The following PPP1R12A variants were observed in gnomAD, a reference collection of about 807,000 sequenced individuals.
PPP1R12A encodes myosin binding subunit.
Under a neutral mutation model 139.6 loss-of-function variants are expected in PPP1R12A, and 19 were observed. The observed-to-expected ratio is 0.14, with a 90% CI of 0.09 to 0.20. The LOEUF is 0.20. PPP1R12A is among the 10% of genes least tolerant of loss of function. PPP1R12A has a pLI of 1.00. For missense variants in PPP1R12A, 925 were observed against 1,211.5 expected (o/e 0.76, Z 3.51); for synonymous variants, 427 against 420.6 (o/e 1.02, Z -0.19).
intron 1 of PPP1R12A, among the ~76,000 whole-genome samples, chr12:79,931,391 GGCTTGGAGCTTT>G (rs112876075): frequency 6.0e-4 from 92 of 152,174 alleles, no homozygotes; most frequent in African/African-American, 2.1e-3. Context: ...ATGGAAATGA[GGCTTGGAGCTTT>G]GCAGAAATGA....
rs143720777 is a variant in PPP1R12A, at chr12:79,871,306, G to A, written c.368+1502C>T. Among the ~76,000 whole-genome samples the A allele has an allele frequency of 8.1e-4, 123 of 152,246 alleles. 1 individual carries two copies. Among genetic ancestry groups the A allele is most frequent in the Middle Eastern group, 3.4e-3 (1 of 294 alleles). On this transcript the variant is annotated intron_variant, in intron 2 of 24. Coordinates refer to ENST00000450142, the MANE Select transcript of PPP1R12A (RefSeq NM_002480.3). Reference sequence around the variant, plus strand: ...CACAATAGGTCTGTGACCCAATCAAGTCTATGCAAAGAAATTATTCAAGAC... The same window carrying A: ...CACAATAGGTCTGTGACCCAATCAAATCTATGCAAAGAAATTATTCAAGAC...
chr12:79,892,144 C>T (rs1327364598), intron 1 of PPP1R12A, among the ~76,000 whole-genome samples: 1 of 152,162 alleles, frequency 6.6e-6, no homozygotes, highest in Non-Finnish European at 1.5e-5. Flanking sequence ...TGTATCCAAA[C>T]ATTATGTTCC....
At chr12:79,796,751 G>C (rs201785072) in intron 17 of PPP1R12A, 31 bp downstream of exon 17, 225 of 1,527,948 alleles carry the variant, frequency 1.5e-4, no homozygotes, top group Non-Finnish European at 1.8e-4. Context: ...TATGAAGAAA[G>C]CAAAGTGTTT....
intron 2 of PPP1R12A, among the ~76,000 whole-genome samples, chr12:79,846,378 G>A (rs1011607161): frequency 4.6e-5 from 7 of 152,088 alleles, no homozygotes; most frequent in African/African-American, 1.7e-4. Context: ...ATCTCCCAGA[G>A]TCATCTACTG....
chr12:79,813,241 T>C (rs1347459451), intron 9 of PPP1R12A, among the ~76,000 whole-genome samples: 1 of 152,194 alleles, frequency 6.6e-6, no homozygotes, highest in Non-Finnish European at 1.5e-5. Context: ...AAGTATTCCA[T>C]ATTATCCCCA....
chr12:79,844,764 T>A (rs1028661565), intron 3 of PPP1R12A, among the ~76,000 whole-genome samples: 1 of 152,180 alleles, frequency 6.6e-6, no homozygotes, highest in East Asian at 1.9e-4. Flanking sequence ...TAAGGTGATA[T>A]GACCTCCTGC....
At chr12:79,823,075 T>C (rs1354492814) in intron 5 of PPP1R12A, among the ~76,000 whole-genome samples, 1 of 152,148 alleles carries the variant, frequency 6.6e-6, no homozygotes, top group Non-Finnish European at 1.5e-5. Flanking sequence ...TTTTTAAAAT[T>C]AGTCCACATG....
At chr12:79,898,094 C>T (rs1885292623) in intron 1 of PPP1R12A, among the ~76,000 whole-genome samples, 1 of 152,178 alleles carries the variant, frequency 6.6e-6, no homozygotes, top group South Asian at 2.1e-4. Context: ...AAATCTCTGA[C>T]ATTTGCCTTA....
chr12:79,885,857 C>T (rs1404638047), intron 1 of PPP1R12A, among the ~76,000 whole-genome samples: 2 of 152,030 alleles, frequency 1.3e-5, no homozygotes, highest in Non-Finnish European at 2.9e-5. Flanking sequence ...AGAAACAATT[C>T]CTTTTTTGTT....
chr12:79,826,582 A>G (rs957203726), intron 5 of PPP1R12A, among the ~76,000 whole-genome samples: 1 of 152,198 alleles, frequency 6.6e-6, no homozygotes, highest in Non-Finnish European at 1.5e-5. Context: ...TTAGAGTGAC[A>G]TAAGGAGCTG....
intron 20 of PPP1R12A, chr12:79,789,778 CT>C (rs5799442): frequency 0.6 from 188,740 of 314,836 alleles, 44,504 homozygotes; most frequent in Admixed American, 0.69. Flanking sequence ...TTAGGTGACA[CT>C]TTTTTTTTTT....
intron 3 of PPP1R12A, among the ~76,000 whole-genome samples, chr12:79,841,378 T>C (rs1411743560): frequency 1.3e-5 from 2 of 152,330 alleles, no homozygotes; most frequent in Middle Eastern, 3.4e-3. Context: ...TCTGTTCCTA[T>C]ATATTTTAAT....
intron 9 of PPP1R12A, among the ~76,000 whole-genome samples, chr12:79,814,500 AGG>A (rs1483633830): frequency 3.2e-3 from 310 of 96,254 alleles, no homozygotes; most frequent in East Asian, 9.1e-3. Flanking sequence ...AAAAAAAAAA[AGG>A]ACTCCCCCTC....
chr12:79,797,086 T>C lies in PPP1R12A; in HGVS notation c.2292+109A>G, dbSNP rs941772097. The C allele has an allele frequency of 8.2e-6, 11 of 1,342,784 alleles. No individual in the cohort carries two copies. The Admixed American group carries it at 2.3e-4, about 28-fold the overall frequency. 83.2% of individuals were successfully genotyped at this position (1,342,784 alleles called of 1,614,324 possible). Reference sequence around the variant, plus strand: ...TAATTCAAATTTCCAGCTAAAATCCTTTACAGTATTTTGCATATGGTTTGT... The same window carrying C: ...TAATTCAAATTTCCAGCTAAAATCCCTTACAGTATTTTGCATATGGTTTGT... On this transcript the variant is annotated intron_variant, in intron 16 of 24. Transcript: ENST00000450142.
intron 1 of PPP1R12A, among the ~76,000 whole-genome samples, chr12:79,879,301 A>G (rs1378248579): frequency 6.6e-6 from 1 of 152,144 alleles, no homozygotes; most frequent in Non-Finnish European, 1.5e-5. Context: ...TGGGAGGCGG[A>G]GGTTGCAGTG....
rs550377215 is a variant in PPP1R12A at position 79,919,314 on chromosome 12, T to C, written c.237+15381A>G. On this transcript the variant is annotated intron_variant, in intron 1 of 24. Coordinates refer to ENST00000450142, the MANE Select transcript of PPP1R12A (RefSeq NM_002480.3). Reference sequence around the variant, plus strand: ...GCTCACACCTGTAATCCCAGCACTTTGGGAAGCTGAGGCGGGCGGATCACG... The same window carrying C: ...GCTCACACCTGTAATCCCAGCACTTCGGGAAGCTGAGGCGGGCGGATCACG... Among the ~76,000 whole-genome samples the C allele has an allele frequency of 4.0e-5, 6 of 151,836 alleles. No individual in the cohort carries two copies. The South Asian group carries it at 1.0e-3, about 26-fold the overall frequency.
At chr12:79,841,483 AC>A (rs1878704990) in intron 3 of PPP1R12A, among the ~76,000 whole-genome samples, 2 of 152,148 alleles carry the variant, frequency 1.3e-5, no homozygotes. Flanking sequence ...TATTGTTAAC[AC>A]CCAGCACATA....
At chr12:79,798,208 A>G (rs1390312431) in intron 15 of PPP1R12A, among the ~76,000 whole-genome samples, 2 of 152,288 alleles carry the variant, frequency 1.3e-5, no homozygotes, top group South Asian at 2.1e-4. Context: ...AAAATACTCA[A>G]AAAGACACAA....
chr12:79,885,643 A>G (rs1884034774), intron 1 of PPP1R12A, among the ~76,000 whole-genome samples: 1 of 152,144 alleles, frequency 6.6e-6, no homozygotes, highest in Admixed American at 6.6e-5. Context: ...AAGTTTATAT[A>G]TGATTCAGAA....
Sources: gnomAD v4.1 joint callset for allele counts (sites outside exome capture counted in the v4.1 genomes callset) on GRCh38, gnomAD v4.1.1 for gene constraint, MANE v1.5 for transcripts, NCBI Gene and HGNC (gene_info 2026-07-23, HGNC 2026-07-21) for gene names.